PRDM6: variants seen among roughly 807,000 people sequenced by gnomAD.
PRDM6 encodes PR/SET domain 6, also known as putative histone-lysine N-methyltransferase PRDM6.
A neutral mutation model predicts 60.8 loss-of-function variants in PRDM6; 25 were observed. That is an observed-to-expected ratio of 0.41 (90% CI 0.30 to 0.57). PRDM6 has a LOEUF of 0.57. Among genes scored for constraint, PRDM6 ranks in the 20% least tolerant of loss-of-function variants. PRDM6 has a pLI of 0.27. For synonymous variants in PRDM6, 407 were observed against 357.4 expected, an observed-to-expected ratio of 1.14 and a Z score of -1.57; for missense variants, 839 against 821.3, an observed-to-expected ratio of 1.02 and a Z score of -0.26.
intron 7 of PRDM6, among the ~76,000 whole-genome samples, chr5:123,181,725 A>C (rs1214640528): frequency 6.6e-6 from 1 of 152,168 alleles, no homozygotes; most frequent in Non-Finnish European, 1.5e-5. Context: ...GTCTCAGCCA[A>C]GAAGTCTTCC....
At chr5:123,143,968 C>T (rs1765180143) in intron 3 of PRDM6, among the ~76,000 whole-genome samples, 1 of 152,078 alleles carries the variant, frequency 6.6e-6, no homozygotes, top group South Asian at 2.1e-4. Flanking sequence ...GCAAAGAAGG[C>T]CTCCTTCTTT....
In PRDM6 at chr5:123,099,146, A is replaced by G. The variant is rs746121539; in HGVS notation, c.593-508A>G. On this transcript the variant is annotated intron_variant, in intron 2 of 7. Coordinates refer to ENST00000407847, the MANE Select transcript of PRDM6 (RefSeq NM_001136239.4). The surrounding 1 kb of genome is among the most constrained non-coding windows in gnomAD (Gnocchi z 4.0). ...AAAGCTGAATACCCAGACGACCAGT[A>G]TAGAATCTCTTCGAGACAGCAGATT... Among the ~76,000 whole-genome samples the G allele has an allele frequency of 6.6e-6, 1 of 152,220 alleles. No individual in the cohort carries two copies. Among genetic ancestry groups the G allele is most frequent in the Non-Finnish European group, 1.5e-5 (1 of 68,036 alleles).
chr5:123,121,419 G>A (rs1034866433), intron 3 of PRDM6, among the ~76,000 whole-genome samples: 22 of 151,818 alleles, frequency 1.4e-4, no homozygotes, highest in Non-Finnish European at 2.5e-4. Flanking sequence ...GTCTCACTCC[G>A]TCACCCAGAC....
At chr5:123,136,599 T>C (rs1458762973) in intron 3 of PRDM6, among the ~76,000 whole-genome samples, 1 of 152,216 alleles carries the variant, frequency 6.6e-6, no homozygotes, top group Non-Finnish European at 1.5e-5. Flanking sequence ...GACCAAATTT[T>C]TCTTCTGAAT....
At chr5:123,110,796 C>T (rs1032543460) in intron 3 of PRDM6, among the ~76,000 whole-genome samples, 10 of 152,026 alleles carry the variant, frequency 6.6e-5, no homozygotes, top group Admixed American at 5.2e-4. Flanking sequence ...GAACTCCCGA[C>T]CTCAGTGATC....
intron 2 of PRDM6, among the ~76,000 whole-genome samples, chr5:123,094,114 G>A (rs886225560): frequency 6.6e-6 from 1 of 152,126 alleles, no homozygotes; most frequent in Non-Finnish European, 1.5e-5. Flanking sequence ...TTTAGGGAGA[G>A]GGGCTGGGGA....
chr5:123,142,776 T>C (rs867003225), intron 3 of PRDM6, among the ~76,000 whole-genome samples: 1 of 151,574 alleles, frequency 6.6e-6, no homozygotes, highest in African/African-American at 2.4e-5. Context: ...TATTTCAGTT[T>C]GCTTTTCTAG....
intron 3 of PRDM6, among the ~76,000 whole-genome samples, chr5:123,130,133 CTCCTTCCTCTCCCCTT>C (rs1764792622): frequency 7.4e-5 from 2 of 26,956 alleles, no homozygotes; most frequent in African/African-American, 4.2e-4. Flanking sequence ...TCCCTCCCCT[CTCCTTCCTCTCCCCTT>C]CCCTCCCCTC....
chr5:123,173,590 A>C (rs1475436779), intron 6 of PRDM6: 1 of 167,066 alleles, frequency 6.0e-6, no homozygotes, highest in Non-Finnish European at 1.5e-5. Flanking sequence ...AGAGGTGTTC[A>C]CCATCATTCT....
chr5:123,101,522 T>C (rs1274272345), intron 3 of PRDM6, among the ~76,000 whole-genome samples: 1 of 152,238 alleles, frequency 6.6e-6, no homozygotes, highest in African/African-American at 2.4e-5. Context: ...CCAGTAGTGT[T>C]ATTAGGAACT....
intron 3 of PRDM6, among the ~76,000 whole-genome samples, chr5:123,133,154 A>T (rs1220693008): frequency 6.6e-6 from 1 of 152,118 alleles, no homozygotes; most frequent in East Asian, 1.9e-4. Context: ...GTAAAAAGGA[A>T]ATAATTACTT....
At position 123,188,075 on chromosome 5, in the gene PRDM6, A is replaced by T. The variant is rs1220756786; in HGVS notation, c.*874A>T. On this transcript the variant is annotated 3_prime_UTR_variant, in exon 8 of 8. Transcript: ENST00000407847. ...GAGATAAGGTGTTAGGCTTCATTGT[A>T]ATTTTTTTAGTTGTTTCTGTGAAAG... 1 of 152,114 alleles carries T rather than the reference A, an allele frequency of 6.6e-6. No homozygotes were observed. The highest frequency in any genetic ancestry group is 2.1e-4 in the South Asian group (1 of 4,824). 9.4% of individuals were successfully genotyped at this position (152,114 alleles called of 1,614,324 possible).
intron 3 of PRDM6, among the ~76,000 whole-genome samples, chr5:123,107,957 T>A (rs1764231456): frequency 6.6e-6 from 1 of 152,214 alleles, no homozygotes; most frequent in Non-Finnish European, 1.5e-5. Context: ...TATTATCTCC[T>A]CATTTTTAAT....
At chr5:123,168,699 C>T (rs140634050) in intron 5 of PRDM6, among the ~76,000 whole-genome samples, 1,561 of 152,324 alleles carry the variant, frequency 0.01, 16 homozygotes, top group African/African-American at 0.028. Context: ...ACTAGACAAA[C>T]GCTAGGCTCT....
At chr5:123,143,040 A>G (rs1439747323) in intron 3 of PRDM6, among the ~76,000 whole-genome samples, 1 of 152,134 alleles carries the variant, frequency 6.6e-6, no homozygotes, top group South Asian at 2.1e-4. Flanking sequence ...TCGAAAGTAC[A>G]TTAAACATCC....
chr5:123,093,403 A>G (rs1285127449), intron 2 of PRDM6, among the ~76,000 whole-genome samples: 1 of 152,206 alleles, frequency 6.6e-6, no homozygotes, highest in African/African-American at 2.4e-5. Context: ...ATTGGCATCT[A>G]TGGTAAATGT....
intron 3 of PRDM6, among the ~76,000 whole-genome samples, chr5:123,123,450 G>T (rs435757): frequency 0.18 from 27,898 of 152,128 alleles, 3,156 homozygotes; most frequent in East Asian, 0.35. Context: ...CATGTAGTCG[G>T]TTACTTTTAC....
At chr5:123,166,113 A>G (rs1765746329) in intron 5 of PRDM6, among the ~76,000 whole-genome samples, 1 of 152,216 alleles carries the variant, frequency 6.6e-6, no homozygotes, top group East Asian at 1.9e-4. Context: ...TGGCCTGTCC[A>G]TCTCCCACAG....
chr5:123,099,609 CG>C lies in PRDM6; in HGVS notation c.593-43del. 1.4e-6 allele frequency: 2 copies of C among 1,414,480 alleles called. No individual in the cohort carries two copies. The highest frequency in any genetic ancestry group is 1.9e-6 in the Non-Finnish European group (2 of 1,081,012). The allele number at this position is 1,414,480 out of a possible 1,614,324, so 87.6% of individuals were successfully genotyped here. ...TCAAAGATGGGCCGCTCGGGGCGGC[CG>C]GATTAACCCGCTCCCTTCCCTTCCT... On this transcript the variant is annotated intron_variant, in intron 2 of 7. Coordinates refer to ENST00000407847, the MANE Select transcript of PRDM6 (RefSeq NM_001136239.4). The surrounding 1 kb of genome is among the most constrained non-coding windows in gnomAD (Gnocchi z 4.0).
Sources: gnomAD v4.1 joint callset for allele counts (sites outside exome capture counted in the v4.1 genomes callset) on GRCh38, gnomAD v4.1.1 for gene constraint, Gnocchi (gnomAD v3.1) non-coding constraint, MANE v1.5 for transcripts, NCBI Gene and HGNC (gene_info 2026-07-23, HGNC 2026-07-21) for gene names.